Variants in KAT6B observed in about 807,000 individuals in gnomAD.
The protein encoded by KAT6B is lysine acetyltransferase 6B.
In KAT6B, 10 loss-of-function variants were observed where a neutral mutation model predicts 187.5. The ratio of observed to expected loss-of-function variants is 0.05; its 90% CI spans 0.03 to 0.09. KAT6B has a LOEUF of 0.09. KAT6B is among the 10% of genes least tolerant of loss of function. The probability of loss-of-function intolerance (pLI) is 1.00; values close to 1 mark genes in which losing one functional copy is unlikely to be tolerated. For synonymous variants in KAT6B, 861 were observed against 926.8 expected, an observed-to-expected ratio of 0.93 and a Z score of 1.29; for missense variants, 1,952 against 2,558.9, an observed-to-expected ratio of 0.76 and a Z score of 5.12.
At chr10:74,956,230 T>A (rs1445063354) in intron 3 of KAT6B, among the ~76,000 whole-genome samples, 1 of 152,210 alleles carries the variant, frequency 6.6e-6, no homozygotes, top group Non-Finnish European at 1.5e-5. Flanking sequence ...TGCCTGATTG[T>A]TTCTTTATGA....
intron 3 of KAT6B, among the ~76,000 whole-genome samples, chr10:74,861,106 A>G (rs1295758856): frequency 6.6e-6 from 1 of 151,506 alleles, no homozygotes; most frequent in Non-Finnish European, 1.5e-5. Context: ...ATTGCACTCC[A>G]TCCTGGGCAA....
chr10:74,835,439 A>G (rs1841219089), intron 1 of KAT6B, among the ~76,000 whole-genome samples: 1 of 152,202 alleles, frequency 6.6e-6, no homozygotes, highest in Non-Finnish European at 1.5e-5. Context: ...TAAAACAGTT[A>G]AAGTGGAGCT....
At chr10:74,880,006 T>C (rs111542918) in intron 3 of KAT6B, among the ~76,000 whole-genome samples, 11 of 151,990 alleles carry the variant, frequency 7.2e-5, no homozygotes, top group African/African-American at 2.7e-4. Context: ...CATTGCACTC[T>C]AGCCTGGGCG....
At chr10:74,853,109 CTTTTTTTTTT>C (rs1233676750) in intron 3 of KAT6B, among the ~76,000 whole-genome samples, 1 of 113,744 alleles carries the variant, frequency 8.8e-6, no homozygotes. Context: ...TTTCTTTCAT[CTTTTTTTTTT>C]TTTTTTTTTT....
At position 75,030,803 on chromosome 10, in the gene KAT6B, T is replaced by C. The variant is rs1241955829; in HGVS notation, c.5979T>C (p.Asn1993=). The C allele has an allele frequency of 1.9e-6, 3 of 1,614,100 alleles. No individual in the cohort carries two copies. In the East Asian group the frequency reaches 6.7e-5, roughly 36 times the overall value. The stretch of plus-strand genomic sequence containing the variant: ...ACATGAACACTCTCAACGCCATGAA[T>C]GGGTACAGCATGTCCCAGCCAATGA... ...NMNMNTLNAM[N]GYSMSQPMMN... is the part of the protein sequence containing the mutation. The change falls in exon 18 of 18, where the codon AAT becomes AAC. Residue 1993 remains asparagine (N), a synonymous_variant. Transcript: ENST00000287239. This position sits in a 1 kb window ranked among gnomAD's most constrained non-coding sequence, Gnocchi z 4.8.
Position 75,030,203 on chromosome 10 carries a change from C to T in KAT6B, c.5379C>T (p.Gly1793=). ...CCGAGACGAGCAACGCCAACATTGG[C>T]TTATACGAGCGAATGGGTCAGAGTG... ...EIPETSNANI[G]LYERMGQSDF... Residue 1793 remains glycine (G), a synonymous_variant, in exon 18 of 18, where the codon GGC becomes GGT. Coordinates refer to ENST00000287239, the MANE Select transcript of KAT6B (RefSeq NM_012330.4). The surrounding 1 kb of genome is among the most constrained non-coding windows in gnomAD (Gnocchi z 4.8). 1.2e-6 allele frequency: 2 copies of T among 1,614,238 alleles called. No individual in the cohort carries two copies. The highest frequency in any genetic ancestry group is 2.2e-5 in the South Asian group (2 of 91,088).
At chr10:74,981,391 T>C (rs1330087067) in intron 10 of KAT6B, among the ~76,000 whole-genome samples, 1 of 145,338 alleles carries the variant, frequency 6.9e-6, no homozygotes, top group Non-Finnish European at 1.5e-5. Flanking sequence ...TCTTTATTTT[T>C]TTGACGGTGT....
intron 3 of KAT6B, among the ~76,000 whole-genome samples, chr10:74,876,575 A>C (rs1844427717): frequency 6.6e-6 from 1 of 152,144 alleles, no homozygotes; most frequent in African/African-American, 2.4e-5. Flanking sequence ...AATAATGAAG[A>C]GCTGAGGTTT....
Position 74,981,914 on chromosome 10 carries a change from C to T in KAT6B, c.2359C>T (p.Leu787Phe), listed in dbSNP as rs929358385. Residue 787 changes from leucine (L) to phenylalanine (F), a missense_variant, in exon 11 of 18, where the codon CTT (leucine) becomes TTT (phenylalanine). This residue lies in a region of KAT6B where 87 missense variants were observed against 191.8 expected (regional missense o/e 0.45). Transcript: ENST00000287239. ...AAATGAAATTTACCGAAGGAAAGAC[C>T]TTTCAGTATTTGAGGTAAGCGCGTG... ...PANEIYRRKD[L>F]SVFEVDGNMS... 1.2e-6 allele frequency: 2 copies of T among 1,613,712 alleles called. No individual in the cohort carries two copies. The highest frequency in any genetic ancestry group is 2.7e-5 in the African/African-American group (2 of 74,886).
intron 3 of KAT6B, among the ~76,000 whole-genome samples, chr10:74,912,727 C>G (rs1240664290): frequency 6.6e-6 from 1 of 152,162 alleles, no homozygotes; most frequent in Non-Finnish European, 1.5e-5. Context: ...ATACATAGTC[C>G]TATATTTTAT....
intron 13 of KAT6B, among the ~76,000 whole-genome samples, chr10:74,990,179 AGT>A: frequency 8.2e-6 from 1 of 122,130 alleles, no homozygotes; most frequent in African/African-American, 3.1e-5. Flanking sequence ...TGGGTGACAG[AGT>A]GAGAGACTCT....
At chr10:74,977,258 T>A in intron 8 of KAT6B, 58 bp from the exon 9 acceptor site, 1 of 1,594,570 alleles carries the variant, frequency 6.3e-7, no homozygotes, top group South Asian at 1.1e-5. Flanking sequence ...TGGTAATATA[T>A]GGTGGTTACT....
intron 3 of KAT6B, among the ~76,000 whole-genome samples, chr10:74,844,114 T>C (rs1251902526): frequency 2.0e-5 from 3 of 152,232 alleles, no homozygotes; most frequent in Non-Finnish European, 4.4e-5. Flanking sequence ...CCTCAAGTGA[T>C]GCGCCCGCCT....
At chr10:74,963,931 C>T (rs1841279439) in intron 4 of KAT6B, among the ~76,000 whole-genome samples, 2 of 151,932 alleles carry the variant, frequency 1.3e-5, no homozygotes, top group South Asian at 4.2e-4. Context: ...CAAGACTAGC[C>T]TGGCCAACAT....
chr10:74,922,625 A>T (rs1373154862), intron 3 of KAT6B, among the ~76,000 whole-genome samples: 1 of 152,222 alleles, frequency 6.6e-6, no homozygotes, highest in Non-Finnish European at 1.5e-5. Context: ...ACATTTCTTC[A>T]TGATATATTT....
chr10:75,009,015 A>G (rs189253284), intron 13 of KAT6B, among the ~76,000 whole-genome samples: 21 of 152,298 alleles, frequency 1.4e-4, no homozygotes, highest in African/African-American at 4.8e-4. Context: ...CAAGCAGGGT[A>G]ATTACAAGAG....
At chr10:74,847,494 C>T (rs1291973777) in intron 3 of KAT6B, among the ~76,000 whole-genome samples, 2 of 151,848 alleles carry the variant, frequency 1.3e-5, no homozygotes, top group Non-Finnish European at 1.5e-5. Flanking sequence ...GAAACCTCGT[C>T]TCTATTAAAA....
intron 3 of KAT6B, among the ~76,000 whole-genome samples, chr10:74,914,198 GAAAA>G (rs1157506116): frequency 1.5e-5 from 2 of 130,808 alleles, no homozygotes; most frequent in African/African-American, 5.6e-5. Context: ...ACAAAAAAAA[GAAAA>G]AAAAAAAAAG....
At chr10:75,011,063 AG>A (rs1226010674) in intron 13 of KAT6B, among the ~76,000 whole-genome samples, 1 of 152,176 alleles carries the variant, frequency 6.6e-6, no homozygotes, top group Non-Finnish European at 1.5e-5. Flanking sequence ...ATTTTATCCA[AG>A]TTTCAACTTG....
Sources: gnomAD v4.1 joint callset for allele counts (sites outside exome capture counted in the v4.1 genomes callset) on GRCh38, gnomAD v4.1.1 for gene constraint, gnomAD v4.1.1 regional missense constraint, Gnocchi (gnomAD v3.1) non-coding constraint, MANE v1.5 for transcripts, NCBI Gene and HGNC (gene_info 2026-07-23, HGNC 2026-07-21) for gene names.